The following ATP5MG variants were observed in gnomAD, a reference collection of about 807,000 sequenced individuals.
The protein encoded by ATP5MG is ATP synthase membrane subunit g.
Under a neutral mutation model 12.7 loss-of-function variants are expected in ATP5MG, and 7 were observed. The ratio of observed to expected loss-of-function variants is 0.55; its 90% CI spans 0.31 to 1.04. ATP5MG has a LOEUF of 1.04. ATP5MG is among the 50% of genes least tolerant of loss of function. The pLI is 0.05. For missense variants in ATP5MG, 116 were observed against 126.7 expected (o/e 0.92, Z 0.41); for synonymous variants, 53 against 48.2 (o/e 1.10, Z -0.41).
intron 2 of ATP5MG, 42 bp downstream of exon 2, chr11:118,407,139 A>G (rs782281886): frequency 6.2e-7 from 1 of 1,610,866 alleles, no homozygotes; most frequent in Non-Finnish European, 8.5e-7. Flanking sequence ...ATAACAGAAA[A>G]TGTCTTCCCT....
intron 1 of ATP5MG, among the ~76,000 whole-genome samples, chr11:118,402,106 CG>C (rs1948932993): frequency 1.3e-5 from 2 of 152,098 alleles, no homozygotes; most frequent in South Asian, 4.2e-4. Context: ...TAAATCAATT[CG>C]GCCTCATTAC....
intron 1 of ATP5MG, among the ~76,000 whole-genome samples, chr11:118,403,434 T>G (rs1948946321): frequency 6.6e-6 from 1 of 151,822 alleles, no homozygotes; most frequent in African/African-American, 2.4e-5. Flanking sequence ...AGGCGGAGGT[T>G]GCAGTGAGTC....
intron 1 of ATP5MG, 28 bp downstream of exon 1, chr11:118,401,745 G>A (rs1463677081): frequency 4.4e-6 from 7 of 1,605,240 alleles, no homozygotes; most frequent in Non-Finnish European, 5.1e-6. Flanking sequence ...CCGCCGAGGC[G>A]GGCACACGGG....
Position 118,407,067 on chromosome 11 carries a change from G to C in ATP5MG, c.183G>C (p.Gln61His), listed in dbSNP as rs1802489. 4.3e-6 allele frequency: 7 copies of C among 1,614,148 alleles called. No individual in the cohort carries two copies. The highest frequency in any genetic ancestry group is 5.9e-6 in the Non-Finnish European group (7 of 1,180,028). The change falls in exon 2 of 3, where the codon CAG becomes CAC. Residue 61 changes from glutamine to histidine, a missense_variant. Gln to His is a conservative substitution (Grantham distance 24). Coordinates refer to ENST00000300688, the MANE Select transcript of ATP5MG (RefSeq NM_006476.5). ...QSLKKIVNSA[Q>H]TGSFKQLTVK... ...TGAAAAAAATAGTCAATAGTGCTCA[G>C]ACTGGTAGCTTCAAACAGCTCACAG...
chr11:118,402,314 G>C (rs552815162), intron 1 of ATP5MG, among the ~76,000 whole-genome samples: 54 of 152,168 alleles, frequency 3.5e-4, no homozygotes, highest in African/African-American at 1.2e-3. Context: ...GACGGGATCC[G>C]TATAAACAAT....
chr11:118,401,642 C>G lies in ATP5MG; in HGVS notation c.-24C>G, dbSNP rs782349072. ...GTGACATTCAGCCGGCGGTTCGGGG[C>G]GACGGACTCTCCATTCCAGAACCAT... On this transcript the variant is annotated 5_prime_UTR_variant, in exon 1 of 3. Transcript: ENST00000300688. The G allele has an allele frequency of 1.4e-5, 22 of 1,613,774 alleles. No individual in the cohort carries two copies. The East Asian group carries it at 4.5e-4, about 33-fold the overall frequency.
intron 1 of ATP5MG, among the ~76,000 whole-genome samples, chr11:118,403,157 A>G (rs1382258443): frequency 1.3e-5 from 2 of 152,228 alleles, no homozygotes; most frequent in Non-Finnish European, 2.9e-5. Context: ...TACTTTACTA[A>G]GATTGTTAAG....
At chr11:118,407,229 A>C in intron 2 of ATP5MG, 132 bp downstream of exon 2, 1 of 1,306,950 alleles carries the variant, frequency 7.7e-7, no homozygotes, top group Non-Finnish European at 1.0e-6. Flanking sequence ...AAAAATTTTG[A>C]CTGCTGAGGA....
At chr11:118,406,708 A>G (rs1207935235) in intron 1 of ATP5MG, 2 of 569,646 alleles carry the variant, frequency 3.5e-6, no homozygotes, top group Non-Finnish European at 6.1e-6. Context: ...GAATGTGCTT[A>G]TAGCATCCTG....
chr11:118,402,476 G>C (rs1358926354), intron 1 of ATP5MG, among the ~76,000 whole-genome samples: 1 of 152,038 alleles, frequency 6.6e-6, no homozygotes, highest in Non-Finnish European at 1.5e-5. Flanking sequence ...CTTCTCAGTG[G>C]CAAGCTATTC....
chr11:118,401,919 A>G, intron 1 of ATP5MG: 3 of 611,730 alleles, frequency 4.9e-6, no homozygotes, highest in East Asian at 2.9e-5. Flanking sequence ...TGGGTTCTCT[A>G]CACAACCTAG....
intron 2 of ATP5MG, among the ~76,000 whole-genome samples, 192 bp from the exon 3 acceptor site, chr11:118,408,808 G>C (rs1232954523): frequency 1.3e-5 from 2 of 151,894 alleles, no homozygotes; most frequent in Non-Finnish European, 2.9e-5. Flanking sequence ...AAAGTTCAAG[G>C]GTTCTCAGCA....
At chr11:118,405,143 G>A (rs1166866167) in intron 1 of ATP5MG, among the ~76,000 whole-genome samples, 2 of 152,068 alleles carry the variant, frequency 1.3e-5, no homozygotes, top group Non-Finnish European at 2.9e-5. Flanking sequence ...CTAAGGTCTG[G>A]GTGCTGTTTA....
chr11:118,409,201 TCA>T lies in ATP5MG; in HGVS notation c.*104_*105del. 2.8e-6 allele frequency: 2 copies of T among 716,730 alleles called. No individual in the cohort carries two copies. Among genetic ancestry groups the T allele is most frequent in the Non-Finnish European group, 4.1e-6 (2 of 492,250 alleles). The allele number at this position is 716,730 out of a possible 1,614,324, so 44.4% of individuals were successfully genotyped here. Reference sequence around the variant, plus strand: ...TGAATAAAATAAGATTTGTCAAAACTCAGTGTTTTCTCCATCAGATACTCCAT... The same window carrying T: ...TGAATAAAATAAGATTTGTCAAAACTGTGTTTTCTCCATCAGATACTCCAT... On this transcript the variant is annotated 3_prime_UTR_variant, in exon 3 of 3. Coordinates refer to ENST00000300688, the MANE Select transcript of ATP5MG (RefSeq NM_006476.5).
chr11:118,403,849 T>G (rs991008024), intron 1 of ATP5MG: 6 of 151,960 alleles, frequency 3.9e-5, no homozygotes. Context: ...ACTCTGGACT[T>G]TGTGGGTGAT....
intron 1 of ATP5MG, among the ~76,000 whole-genome samples, chr11:118,405,135 A>G (rs1462638397): frequency 1.3e-5 from 2 of 152,214 alleles, no homozygotes; most frequent in Non-Finnish European, 2.9e-5. Flanking sequence ...TTGAGAAACT[A>G]AGGTCTGGGT....
chr11:118,404,437 C>T (rs1232030547), intron 1 of ATP5MG, among the ~76,000 whole-genome samples: 1 of 152,228 alleles, frequency 6.6e-6, no homozygotes, highest in Non-Finnish European at 1.5e-5. Context: ...CTTCCCTCAT[C>T]TTTCCTGACC....
At chr11:118,407,120 C>T (rs782211129) in intron 2 of ATP5MG, 23 bp downstream of exon 2, 19 of 1,612,986 alleles carry the variant, frequency 1.2e-5, no homozygotes, top group African/African-American at 1.1e-4. Context: ...TAAATGAAAA[C>T]GGATGTGCAT....
chr11:118,404,063 T>C (rs1276543055), intron 1 of ATP5MG: 2 of 152,208 alleles, frequency 1.3e-5, no homozygotes, highest in African/African-American at 4.8e-5. Context: ...TTGTTATTCT[T>C]CCAAAAGTAC....
Sources: allele counts gnomAD v4.1 joint callset (sites outside exome capture counted in the v4.1 genomes callset), GRCh38; gene constraint gnomAD v4.1.1; transcripts MANE v1.5; gene names NCBI Gene and HGNC (gene_info 2026-07-23, HGNC 2026-07-21).